ARHGAP15: variants seen among roughly 807,000 people sequenced by gnomAD.
ARHGAP15 encodes the protein Rho GTPase activating protein 15.
Under a neutral mutation model 63.7 loss-of-function variants are expected in ARHGAP15, and 51 were observed. The observed-to-expected ratio is 0.80, with a 90% CI of 0.64 to 1.01. ARHGAP15 has a LOEUF of 1.01. Ranked by LOEUF, ARHGAP15 falls within the 50% of genes least tolerant of loss-of-function variation. ARHGAP15 has a pLI of 0.00. For missense variants in ARHGAP15, 560 were observed against 564.6 expected (o/e 0.99, Z 0.08); for synonymous variants, 191 against 193.8 (o/e 0.99, Z 0.12).
At chr2:143,152,175 A>G (rs1274983226) in intron 1 of ARHGAP15, among the ~76,000 whole-genome samples, 1 of 151,996 alleles carries the variant, frequency 6.6e-6, no homozygotes, top group Non-Finnish European at 1.5e-5. Context: ...AAGCGAGATG[A>G]TCAGATATCC....
intron 11 of ARHGAP15, among the ~76,000 whole-genome samples, chr2:143,606,035 C>CAG (rs1697999340): frequency 4.4e-5 from 1 of 22,862 alleles, no homozygotes; most frequent in Non-Finnish European, 7.0e-5. Flanking sequence ...GACTCTGTCT[C>CAG]AAAAAAAAAA....
At chr2:143,389,106 CATTATTATTATT>C (rs10548238) in intron 6 of ARHGAP15, among the ~76,000 whole-genome samples, 1 of 146,048 alleles carries the variant, frequency 6.8e-6, no homozygotes, top group Non-Finnish European at 1.5e-5. Context: ...TTTACTCAGA[CATTATTATTATT>C]ATTATTATTA....
rs942012170 is a variant in ARHGAP15 at position 143,216,317 on chromosome 2, T to A, written c.235-67T>A. 35 of 1,208,210 alleles carry A rather than the reference T, an allele frequency of 2.9e-5. No homozygotes were observed. In the Middle Eastern group the frequency reaches 1.5e-3, roughly 51 times the overall value. The allele number at this position is 1,208,210 out of a possible 1,614,324, so 74.8% of individuals were successfully genotyped here. ...TCACTGCAATGACTCTTGAAAAGCA[T>A]AGGTTTATTCAAATCAACAATGCAT... On this transcript the variant is annotated intron_variant, in intron 3 of 13. Transcript: ENST00000295095.
chr2:143,651,950 C>T (rs1681187329), intron 12 of ARHGAP15, among the ~76,000 whole-genome samples: 1 of 151,904 alleles, frequency 6.6e-6, no homozygotes, highest in African/African-American at 2.4e-5. Context: ...TTTTTGTCTT[C>T]TGGATACAGT....
At chr2:143,653,428 A>C (rs1285835043) in intron 12 of ARHGAP15, among the ~76,000 whole-genome samples, 2 of 152,120 alleles carry the variant, frequency 1.3e-5, no homozygotes, top group Non-Finnish European at 2.9e-5. Flanking sequence ...AAAAATTTTA[A>C]CTAGAAATTC....
chr2:143,394,539 G>A (rs966032046), intron 6 of ARHGAP15, among the ~76,000 whole-genome samples: 1 of 152,136 alleles, frequency 6.6e-6, no homozygotes, highest in Admixed American at 6.6e-5. Context: ...TAATGATAAA[G>A]AGAAATTCTG....
intron 6 of ARHGAP15, among the ~76,000 whole-genome samples, chr2:143,397,279 G>A (rs1388719120): frequency 1.3e-5 from 2 of 151,238 alleles, no homozygotes; most frequent in African/African-American, 4.9e-5. Context: ...AGAATGACAA[G>A]AAAGACAAAT....
intron 6 of ARHGAP15, among the ~76,000 whole-genome samples, chr2:143,374,870 A>G (rs1180403487): frequency 6.6e-6 from 1 of 152,172 alleles, no homozygotes; most frequent in African/African-American, 2.4e-5. Context: ...AGGTATGTAT[A>G]ATCCTTTTCC....
intron 8 of ARHGAP15, 61 bp from the exon 9 acceptor site, chr2:143,487,312 A>G: frequency 6.4e-7 from 1 of 1,552,212 alleles, no homozygotes; most frequent in Non-Finnish European, 8.7e-7. Flanking sequence ...TCAGATTTGC[A>G]TAAAGTAATA....
At chr2:143,434,883 C>A (rs1689541051) in intron 6 of ARHGAP15, among the ~76,000 whole-genome samples, 1 of 152,062 alleles carries the variant, frequency 6.6e-6, no homozygotes, top group African/African-American at 2.4e-5. Flanking sequence ...GAAAAAGATT[C>A]ACTGTAATGA....
chr2:143,550,340 G>T (rs1695500068), intron 10 of ARHGAP15, among the ~76,000 whole-genome samples: 1 of 152,114 alleles, frequency 6.6e-6, no homozygotes, highest in Non-Finnish European at 1.5e-5. Context: ...ACAGTCAGAT[G>T]GGTAAAGTAA....
At chr2:143,502,525 G>A (rs1022686999) in intron 9 of ARHGAP15, among the ~76,000 whole-genome samples, 2 of 152,124 alleles carry the variant, frequency 1.3e-5, no homozygotes, top group Non-Finnish European at 2.9e-5. Flanking sequence ...ATTACAGCAT[G>A]AATACTACCC....
At chr2:143,406,764 A>G (rs1318578349) in intron 6 of ARHGAP15, among the ~76,000 whole-genome samples, 1 of 151,890 alleles carries the variant, frequency 6.6e-6, no homozygotes, top group Non-Finnish European at 1.5e-5. Context: ...CACAAAGTTT[A>G]TTTCTTGATC....
chr2:143,284,753 C>A (rs1330548035), intron 6 of ARHGAP15, among the ~76,000 whole-genome samples: 1 of 152,152 alleles, frequency 6.6e-6, no homozygotes, highest in Non-Finnish European at 1.5e-5. Flanking sequence ...AAGCAAAAAT[C>A]AAACATCCAG....
In ARHGAP15 at chr2:143,202,200, C is replaced by A; in HGVS notation, c.232C>A (p.Leu78Met). 6.2e-7 allele frequency: 1 copy of A among 1,609,572 alleles called. No homozygotes were observed. Among genetic ancestry groups the A allele is most frequent in the Non-Finnish European group, 8.5e-7 (1 of 1,176,198 alleles). ...LKDVIPPLEQ[L>M]MVEKEGYLQK... ...AGATGTCATTCCTCCATTGGAACAA[C>A]TGGTGAGTGTTTAAGTCATTATATT... Residue 78 changes from leucine (L) to methionine (M), a missense_variant and splice_region_variant, in exon 3 of 14, where the codon CTG (leucine) becomes ATG (methionine). Coordinates refer to ENST00000295095, the MANE Select transcript of ARHGAP15 (RefSeq NM_018460.4).
chr2:143,288,832 A>AC lies in ARHGAP15; in HGVS notation c.474+38233dup, dbSNP rs548845113. 2.5e-4 allele frequency among the ~76,000 whole-genome samples: 38 copies of AC among 152,184 alleles called. No homozygotes were observed. The East Asian group carries it at 3.7e-3, about 15-fold the overall frequency. ...AATACATATTTCACCCAGTAGCAAGACACCCAACTGCTGCTACAATCAGAA... is the reference window on the plus strand; with the variant it reads ...AATACATATTTCACCCAGTAGCAAGACCACCCAACTGCTGCTACAATCAGAA... On this transcript the variant is annotated intron_variant, in intron 6 of 13. Coordinates refer to ENST00000295095, the MANE Select transcript of ARHGAP15 (RefSeq NM_018460.4).
At chr2:143,420,038 A>G (rs1033729681) in intron 6 of ARHGAP15, among the ~76,000 whole-genome samples, 1 of 152,184 alleles carries the variant, frequency 6.6e-6, no homozygotes, top group Admixed American at 6.5e-5. Context: ...TAAGGCTCCC[A>G]GAATCACACT....
chr2:143,143,442 A>G (rs1447956484), intron 1 of ARHGAP15, among the ~76,000 whole-genome samples: 2 of 152,020 alleles, frequency 1.3e-5, no homozygotes, highest in African/African-American at 4.8e-5. Flanking sequence ...GAACTGGCAA[A>G]TATTTTTTCA....
intron 8 of ARHGAP15, among the ~76,000 whole-genome samples, chr2:143,467,205 A>G (rs1480045700): frequency 6.6e-6 from 1 of 150,406 alleles, no homozygotes; most frequent in Non-Finnish European, 1.5e-5. Context: ...GAAAACTTGA[A>G]ATAATGCTTA....
Sources: gnomAD v4.1 joint callset for allele counts (sites outside exome capture counted in the v4.1 genomes callset) on GRCh38, gnomAD v4.1.1 for gene constraint, MANE v1.5 for transcripts, NCBI Gene and HGNC (gene_info 2026-07-23, HGNC 2026-07-21) for gene names.